INTS6L: variants seen among roughly 807,000 people sequenced by gnomAD.
INTS6L encodes the protein integrator complex subunit 6 like.
In INTS6L, 18 loss-of-function variants were observed where a neutral mutation model predicts 64.7. The ratio of observed to expected loss-of-function variants is 0.28; its 90% CI spans 0.19 to 0.41. The LOEUF (loss-of-function observed/expected upper bound fraction) is 0.41, where lower values mean the gene tolerates loss of function less well. INTS6L is among the 10% of genes least tolerant of loss of function. The pLI, the probability that INTS6L is intolerant of heterozygous loss-of-function variation, is 1.00. For missense variants in INTS6L, 533 were observed against 661.0 expected (o/e 0.81, Z 2.12); for synonymous variants, 227 against 235.9 (o/e 0.96, Z 0.34).
chrX:135,536,369 A>G (rs2086051723), intron 2 of INTS6L, among the ~76,000 whole-genome samples: 1 of 112,320 alleles, frequency 8.9e-6, no homozygotes, highest in Admixed American at 9.4e-5. Context: ...AAAGTTAGGT[A>G]CAGCTGCCCT....
rs2085510769 is a variant in INTS6L at position 135,520,689 on chromosome X, G to C, written c.-304G>C. On this transcript the variant is annotated 5_prime_UTR_variant, in exon 1 of 18. Coordinates refer to ENST00000639893, the MANE Select transcript of INTS6L (RefSeq NM_001351601.3). ...TGGGGCGAGCGCTCTAGTGAGCGCG[G>C]ACGGATGCTTAGGCAGTAGTCCTGG... is the stretch of plus-strand genomic sequence containing the variant. 1 of 311,293 alleles carries C rather than the reference G, an allele frequency of 3.2e-6. No individual in the cohort carries two copies. The allele number at this position is 311,293 out of a possible 1,213,427, so 25.7% of individuals were successfully genotyped here.
At chrX:135,549,064 A>G (rs1053811040) in intron 6 of INTS6L, among the ~76,000 whole-genome samples, 1 of 112,037 alleles carries the variant, frequency 8.9e-6, no homozygotes, top group Non-Finnish European at 1.9e-5. Context: ...GCTCCCCTCA[A>G]CTATATACAC....
intron 2 of INTS6L, among the ~76,000 whole-genome samples, chrX:135,542,452 C>T (rs782750233): frequency 2.7e-4 from 29 of 108,568 alleles, no homozygotes; most frequent in African/African-American, 9.1e-4. Flanking sequence ...GAGCCGAGAT[C>T]GTGCCACTGC....
At chrX:135,563,069 T>A (rs782244334) in intron 9 of INTS6L, among the ~76,000 whole-genome samples, 1 of 111,831 alleles carries the variant, frequency 8.9e-6, no homozygotes, top group East Asian at 2.8e-4. Flanking sequence ...TTTACTGGCA[T>A]CTTTTGGGTT....
Position 135,546,807 on chromosome X carries a change from G to T in INTS6L, c.535G>T (p.Ala179Ser). The change falls in exon 5 of 18, where the codon GCT (alanine) becomes TCT (serine). Residue 179 changes from alanine to serine, a missense_variant. By Grantham distance (99) the Ala-to-Ser change is moderately conservative. Coordinates refer to ENST00000639893, the MANE Select transcript of INTS6L (RefSeq NM_001351601.3). Reference protein sequence around the residue: ...FALVLRLPGVASTEPEQLGSV... With the variant: ...FALVLRLPGVSSTEPEQLGSV... ...CCTGGTGTTGCGTTTGCCTGGAGTG[G>T]CTTCTACCGAACCAGAGCAACTAGG... 4.1e-6 allele frequency: 5 copies of T among 1,211,564 alleles called. No homozygotes were observed. Among genetic ancestry groups the T allele is most frequent in the Non-Finnish European group, 5.6e-6 (5 of 895,393 alleles).
chrX:135,551,979 A>G lies in INTS6L; in HGVS notation c.907-15A>G. 1 of 1,117,684 alleles carries G rather than the reference A, an allele frequency of 8.9e-7. No individual in the cohort carries two copies. The allele number at this position is 1,117,684 out of a possible 1,213,427, so 92.1% of individuals were successfully genotyped here. On this transcript the variant is annotated splice_polypyrimidine_tract_variant and intron_variant, in intron 7 of 17. Coordinates refer to ENST00000639893, the MANE Select transcript of INTS6L (RefSeq NM_001351601.3). ...CTAACCATTTTTTCTGCTTTTTTTA[A>G]AAAATTTTTTTTAGCCTCCACGAAC...
chrX:135,526,725 A>T (rs781926703), intron 2 of INTS6L, among the ~76,000 whole-genome samples: 1 of 111,475 alleles, frequency 9.0e-6, no homozygotes, highest in Non-Finnish European at 1.9e-5. Context: ...AAGGGCAAAT[A>T]TTTGAACTTC....
chrX:135,525,587 T>C (rs191291255), intron 2 of INTS6L, among the ~76,000 whole-genome samples: 4 of 112,562 alleles, frequency 3.6e-5, no homozygotes, highest in African/African-American at 6.4e-5. Context: ...TATCAGAAAA[T>C]AGCAAAATTT....
At chrX:135,558,296 T>A (rs1468322076) in intron 9 of INTS6L, among the ~76,000 whole-genome samples, 3 of 111,966 alleles carry the variant, frequency 2.7e-5, no homozygotes. Flanking sequence ...ATCCCATTTC[T>A]GAGTATATAT....
chrX:135,539,828 C>T (rs1284842378), intron 2 of INTS6L, among the ~76,000 whole-genome samples: 1 of 111,265 alleles, frequency 9.0e-6, no homozygotes. Context: ...AACAGCTGGT[C>T]GATGGAGCAG....
At chrX:135,563,769 A>G (rs2086860836) in intron 9 of INTS6L, among the ~76,000 whole-genome samples, 1 of 107,817 alleles carries the variant, frequency 9.3e-6, no homozygotes, top group African/African-American at 3.4e-5. Flanking sequence ...TTGGTTTCTA[A>G]TGAGAAATCT....
In INTS6L at chrX:135,578,924, A is replaced by G. The variant is rs1439974560; in HGVS notation, c.2120-864A>G. 3.6e-5 allele frequency among the ~76,000 whole-genome samples: 4 copies of G among 111,278 alleles called. No individual in the cohort carries two copies. The East Asian group carries it at 1.1e-3, about 32-fold the overall frequency. On this transcript the variant is annotated intron_variant, in intron 15 of 17. Transcript: ENST00000639893. Reference sequence around the variant, plus strand: ...TGAAAACCTGTCCTCAACTCTCCTGAGCACTCAGAAGGGACCCTGAACCAG... The same window carrying G: ...TGAAAACCTGTCCTCAACTCTCCTGGGCACTCAGAAGGGACCCTGAACCAG...
At position 135,570,438 on chromosome X, in the gene INTS6L, A is replaced by G. The variant is rs1390969495; in HGVS notation, c.1290A>G (p.Pro430=). The stretch of plus-strand genomic sequence containing the variant: ...TTGTGTATTTTGTTTCCTTATAGCC[A>G]TTAAAGAAAGCACTAAGGATGATGG... The part of the protein sequence containing the change: ...LKTLPPYYLL[P]LKKALRMMGA... Residue 430 remains proline (P), a splice_region_variant and synonymous_variant, in exon 11 of 18, where the codon CCA becomes CCG. Transcript: ENST00000639893. 1.7e-6 allele frequency: 2 copies of G among 1,146,333 alleles called. No homozygotes were observed. Among genetic ancestry groups the G allele is most frequent in the Non-Finnish European group, 2.3e-6 (2 of 867,545 alleles). 94.5% of individuals were successfully genotyped at this position (1,146,333 alleles called of 1,213,427 possible).
chrX:135,544,065 A>C (rs1337081559), intron 2 of INTS6L, among the ~76,000 whole-genome samples: 1 of 112,246 alleles, frequency 8.9e-6, no homozygotes, highest in Non-Finnish European at 1.9e-5. Context: ...AACCAAGATC[A>C]CCTTCACCTT....
rs183101929 is a variant in INTS6L at position 135,520,798 on chromosome X, G to A, written c.-195G>A. 905 of 435,135 alleles carry A rather than the reference G, an allele frequency of 2.1e-3. 7 individuals carry two copies. The highest frequency in any genetic ancestry group is 0.019 in the African/African-American group (790 of 40,675). 35.9% of individuals were successfully genotyped at this position (435,135 alleles called of 1,213,427 possible). A position where few individuals can be genotyped will look rare whatever the true frequency, so the allele number is the denominator to read the frequency against. On this transcript the variant is annotated 5_prime_UTR_variant, in exon 1 of 18. Transcript: ENST00000639893. ...ACGCTCACACTTTCAAGTTCCCTTGGAGGGAGAGGAGGTGGGGCTGCAGAA... is the reference window on the plus strand; with the variant it reads ...ACGCTCACACTTTCAAGTTCCCTTGAAGGGAGAGGAGGTGGGGCTGCAGAA...
chrX:135,521,282 G>T lies in INTS6L; in HGVS notation c.153G>T (p.Met51Ile). ...CGGCCAGCCGTGGAGACAGGTACAT[G>T]CTGGTCACCTACGACGAACCCCCGT... ...RDPASRGDRY[M>I]LVTYDEPPYC... Residue 51 changes from methionine to isoleucine, a missense_variant, in exon 2 of 18, where the codon ATG becomes ATT. Coordinates refer to ENST00000639893, the MANE Select transcript of INTS6L (RefSeq NM_001351601.3). 8.3e-7 allele frequency: 1 copy of T among 1,208,041 alleles called. No individual in the cohort carries two copies. The highest frequency in any genetic ancestry group is 1.1e-6 in the Non-Finnish European group (1 of 893,766).
chrX:135,523,254 C>A (rs1014782724), intron 2 of INTS6L, among the ~76,000 whole-genome samples: 1 of 108,974 alleles, frequency 9.2e-6, no homozygotes, highest in African/African-American at 3.4e-5. Flanking sequence ...AAAAAAAAAA[C>A]GGCCGGATGT....
At position 135,566,416 on chromosome X, in the gene INTS6L, T is replaced by C. The variant is rs546712129; in HGVS notation, c.1193-2921T>C. Among the ~76,000 whole-genome samples, 3 of 111,857 alleles carry C rather than the reference T, an allele frequency of 2.7e-5. No individual in the cohort carries two copies. The South Asian group carries it at 1.1e-3, about 42-fold the overall frequency. On this transcript the variant is annotated intron_variant, in intron 9 of 17. Transcript: ENST00000639893. ...AAGGCTATTGTATAATTTTGCAGTT[T>C]TAGTGGACAGGGACAGTTAGTAAAA...
chrX:135,544,425 G>A (rs931826939), intron 2 of INTS6L, among the ~76,000 whole-genome samples: 4 of 111,559 alleles, frequency 3.6e-5, no homozygotes, highest in African/African-American at 6.5e-5. Context: ...CAAATGGTTT[G>A]GTTTATCTCG....
Sources: gnomAD v4.1 joint callset for allele counts (sites outside exome capture counted in the v4.1 genomes callset) on GRCh38, gnomAD v4.1.1 for gene constraint, MANE v1.5 for transcripts, NCBI Gene and HGNC (gene_info 2026-07-23, HGNC 2026-07-21) for gene names.